The following KCNQ3 variants were observed in gnomAD, a reference collection of about 807,000 sequenced individuals.
KCNQ3 encodes potassium voltage-gated channel subfamily KQT member 3.
KCNQ3 carries 30 observed loss-of-function variants against 92.5 expected under a neutral mutation model. The ratio of observed to expected loss-of-function variants is 0.32; its 90% CI spans 0.24 to 0.44. KCNQ3 has a LOEUF of 0.44. KCNQ3 is among the 20% of genes least tolerant of loss of function. The pLI, the probability that KCNQ3 is intolerant of heterozygous loss-of-function variation, is 1.00. For missense variants in KCNQ3, 913 were observed against 1,140.3 expected (o/e 0.80, Z 2.87); for synonymous variants, 450 against 468.8 (o/e 0.96, Z 0.52).
chr8:132,477,187 C>T (rs1822433303), intron 1 of KCNQ3, among the ~76,000 whole-genome samples: 1 of 152,138 alleles, frequency 6.6e-6, no homozygotes, highest in South Asian at 2.1e-4. Flanking sequence ...TTATATATTA[C>T]CCAGTCTCAG....
At chr8:132,424,047 T>C (rs912892548) in intron 1 of KCNQ3, among the ~76,000 whole-genome samples, 4 of 152,208 alleles carry the variant, frequency 2.6e-5, no homozygotes, top group African/African-American at 9.7e-5. Flanking sequence ...AATGAAAAGC[T>C]TGATACTCTT....
chr8:132,176,572 G>A (rs115946929), intron 4 of KCNQ3, among the ~76,000 whole-genome samples: 1,621 of 152,230 alleles, frequency 0.011, 33 homozygotes, highest in African/African-American at 0.037. Context: ...GACCATCTGC[G>A]GCCAGTCAGC....
intron 1 of KCNQ3, among the ~76,000 whole-genome samples, chr8:132,258,148 A>G (rs1815655934): frequency 6.6e-6 from 1 of 152,198 alleles, no homozygotes; most frequent in African/African-American, 2.4e-5. Context: ...ATACAACAGT[A>G]TAGTTAGACT....
At chr8:132,134,566 G>C (rs866653427) in intron 12 of KCNQ3, among the ~76,000 whole-genome samples, 178 bp from the exon 13 acceptor site, 1 of 126,836 alleles carries the variant, frequency 7.9e-6, no homozygotes, top group Non-Finnish European at 1.8e-5. Flanking sequence ...AGAGGAGAGG[G>C]GAGGAGAGGA....
intron 1 of KCNQ3, among the ~76,000 whole-genome samples, chr8:132,362,690 G>T (rs1488223274): frequency 6.6e-6 from 1 of 152,166 alleles, no homozygotes; most frequent in Non-Finnish European, 1.5e-5. Flanking sequence ...GGGGACACAG[G>T]ATTAACCAGG....
chr8:132,417,361 G>C (rs918622925), intron 1 of KCNQ3, among the ~76,000 whole-genome samples: 1 of 152,104 alleles, frequency 6.6e-6, no homozygotes, highest in Non-Finnish European at 1.5e-5. Context: ...AGGGGACCAA[G>C]TCCTCTCCTC....
intron 3 of KCNQ3, among the ~76,000 whole-genome samples, chr8:132,183,966 G>A (rs1051421628): frequency 2.6e-5 from 4 of 152,126 alleles, no homozygotes; most frequent in African/African-American, 4.8e-5. Context: ...CAACCTGCTT[G>A]CTGCTCCACA....
intron 1 of KCNQ3, among the ~76,000 whole-genome samples, chr8:132,273,142 T>A (rs2130504589): frequency 6.6e-6 from 1 of 152,248 alleles, no homozygotes. Flanking sequence ...GACCCCATAT[T>A]TTCCTTCTGG....
At chr8:132,230,083 A>G (rs935130902) in intron 1 of KCNQ3, among the ~76,000 whole-genome samples, 1 of 152,116 alleles carries the variant, frequency 6.6e-6, no homozygotes, top group Non-Finnish European at 1.5e-5. Flanking sequence ...TCTCTGCCTC[A>G]GGGCCATGTT....
chr8:132,425,970 G>A (rs575068106), intron 1 of KCNQ3, among the ~76,000 whole-genome samples: 1 of 152,334 alleles, frequency 6.6e-6, no homozygotes, highest in South Asian at 2.1e-4. Flanking sequence ...AAATTTTGAA[G>A]AAAATGAATT....
chr8:132,410,548 G>T (rs1371962508), intron 1 of KCNQ3, among the ~76,000 whole-genome samples: 1 of 152,210 alleles, frequency 6.6e-6, no homozygotes, highest in African/African-American at 2.4e-5. Flanking sequence ...TGCATGCAAA[G>T]TATGTGTCCC....
chr8:132,167,224 T>C (rs939557073), intron 8 of KCNQ3, among the ~76,000 whole-genome samples: 9 of 152,060 alleles, frequency 5.9e-5, no homozygotes, highest in African/African-American at 1.9e-4. Context: ...ACGTTCAGGA[T>C]AGGTGAAAGA....
intron 1 of KCNQ3, among the ~76,000 whole-genome samples, chr8:132,447,542 G>A (rs765999035): frequency 6.6e-6 from 1 of 152,206 alleles, no homozygotes; most frequent in Non-Finnish European, 1.5e-5. Flanking sequence ...AGAAGGAGCA[G>A]AGTAGCGGGT....
intron 1 of KCNQ3, among the ~76,000 whole-genome samples, chr8:132,429,740 A>C (rs1378891505): frequency 6.6e-6 from 1 of 151,894 alleles, no homozygotes; most frequent in East Asian, 1.9e-4. Flanking sequence ...CAGATGCTGT[A>C]ATCCCAGCTA....
chr8:132,353,912 G>C (rs964843960), intron 1 of KCNQ3, among the ~76,000 whole-genome samples: 4 of 152,190 alleles, frequency 2.6e-5, no homozygotes, highest in Non-Finnish European at 5.9e-5. Flanking sequence ...GCTCTAAAAC[G>C]GCTGCAGATG....
intron 1 of KCNQ3, among the ~76,000 whole-genome samples, chr8:132,390,048 T>C (rs1820007547): frequency 1.3e-5 from 2 of 152,182 alleles, no homozygotes; most frequent in Non-Finnish European, 2.9e-5. Context: ...CCATTGGTAG[T>C]ATGGTTATAC....
intron 8 of KCNQ3, 89 bp downstream of exon 8, chr8:132,170,245 C>A (rs939157703): frequency 1.7e-5 from 16 of 923,328 alleles, no homozygotes; most frequent in Non-Finnish European, 2.9e-5. Flanking sequence ...AGAGTGTTCT[C>A]CAGGGACCCG....
intron 1 of KCNQ3, among the ~76,000 whole-genome samples, chr8:132,210,271 T>C (rs1408201271): frequency 1.3e-5 from 2 of 152,160 alleles, no homozygotes; most frequent in Non-Finnish European, 2.9e-5. Context: ...CCAGCTCACA[T>C]CGTGGGCTCT....
intron 1 of KCNQ3, among the ~76,000 whole-genome samples, chr8:132,362,799 T>C (rs1050044791): frequency 2.0e-5 from 3 of 152,090 alleles, no homozygotes; most frequent in Non-Finnish European, 4.4e-5. Context: ...GAGTCACAGC[T>C]GGTAGGAAAG....
Sources: gnomAD v4.1 joint callset for allele counts (sites outside exome capture counted in the v4.1 genomes callset) on GRCh38, gnomAD v4.1.1 for gene constraint, MANE v1.5 for transcripts, NCBI Gene and HGNC (gene_info 2026-07-23, HGNC 2026-07-21) for gene names.